OR8A1: variants seen among roughly 807,000 people sequenced by gnomAD.
OR8A1 encodes olfactory receptor family 8 subfamily A member 1, also known as olfactory receptor 8A1.
A neutral mutation model predicts 13.4 loss-of-function variants in OR8A1; 5 were observed. That is an observed-to-expected ratio of 0.37 (90% CI 0.19 to 0.78). The LOEUF is 0.78. Among genes scored for constraint, OR8A1 ranks in the 30% least tolerant of loss-of-function variants. OR8A1 has a pLI of 0.47. For missense variants in OR8A1, 354 were observed against 374.8 expected (o/e 0.94, Z 0.46); for synonymous variants, 156 against 150.4 (o/e 1.04, Z -0.27).
At position 124,570,333 on chromosome 11, in the gene OR8A1, T is replaced by A; in HGVS notation, c.214T>A (p.Cys72Ser). 1 of 1,614,104 alleles carries A rather than the reference T, an allele frequency of 6.2e-7. No individual in the cohort carries two copies. Among genetic ancestry groups the A allele is most frequent in the Non-Finnish European group, 8.5e-7 (1 of 1,180,004 alleles). ...CAGCAATCTGTCACTCATGGATCTC[T>A]GCTACTCCTCCGTCATTACCCCTAA... ...FLSNLSLMDLCYSSVITPKML... is the reference protein window; with the variant it reads ...FLSNLSLMDLSYSSVITPKML... Residue 72 changes from cysteine (C) to serine (S), a missense_variant, in exon 1 of 1, where the codon TGC becomes AGC. By Grantham distance (112) the Cys-to-Ser change is moderately radical. Coordinates refer to ENST00000284287, the MANE Select transcript of OR8A1 (RefSeq NM_001005194.2).
rs908413338 is a variant in OR8A1 at position 124,570,885 on chromosome 11, T to C, written c.766T>C (p.Phe256Leu). The C allele has an allele frequency of 6.2e-7, 1 of 1,614,130 alleles. No homozygotes were observed. The highest frequency in any genetic ancestry group is 1.7e-5 in the Admixed American group (1 of 60,000). ...AVGMFYGSTA[F>L]MYLKPSTISS... ...GGGAATGTTCTATGGATCAACTGCA[T>C]TCATGTACTTAAAACCCTCCACAAT... Residue 256 changes from phenylalanine to leucine, a missense_variant, in exon 1 of 1, where the codon TTC becomes CTC. Coordinates refer to ENST00000284287, the MANE Select transcript of OR8A1 (RefSeq NM_001005194.2).
Position 124,570,146 on chromosome 11 carries a change from G to A in OR8A1, c.27G>A (p.Val9=), listed in dbSNP as rs764311104. ...TGGCTGCAGGAAATCACTCTACAGT[G>A]ACAGAGTTCATTCTCAAGGGTTTAA... MAAGNHST[V]TEFILKGLTK... is the part of the protein sequence containing the mutation. Residue 9 remains valine (V), a synonymous_variant, in exon 1 of 1, where the codon GTG becomes GTA. Coordinates refer to ENST00000284287, the MANE Select transcript of OR8A1 (RefSeq NM_001005194.2). 2 of 1,613,970 alleles carry A rather than the reference G, an allele frequency of 1.2e-6. No individual in the cohort carries two copies. Among genetic ancestry groups the A allele is most frequent in the South Asian group, 2.2e-5 (2 of 91,060 alleles).
Position 124,570,259 on chromosome 11 carries a change from C to G in OR8A1, c.140C>G (p.Thr47Ser), listed in dbSNP as rs201522070. 2 of 1,614,062 alleles carry G rather than the reference C, an allele frequency of 1.2e-6. No individual in the cohort carries two copies. Among genetic ancestry groups the G allele is most frequent in the Non-Finnish European group, 8.5e-7 (1 of 1,180,002 alleles). Reference protein sequence around the residue: ...VTIVGNLGMITLICLNSQLHT... With the variant: ...VTIVGNLGMISLICLNSQLHT... ...ATCGTGGGGAACCTGGGCATGATCA[C>G]TCTAATTTGTCTGAACTCTCAGCTG... Residue 47 changes from threonine (T) to serine (S), a missense_variant, in exon 1 of 1, where the codon ACT becomes AGT. Coordinates refer to ENST00000284287, the MANE Select transcript of OR8A1 (RefSeq NM_001005194.2).
rs546328288 is a variant in OR8A1, at chr11:124,570,685, C to G, written c.566C>G (p.Ser189Cys). 25 of 1,614,120 alleles carry G rather than the reference C, an allele frequency of 1.5e-5. No individual in the cohort carries two copies. The highest frequency in any genetic ancestry group is 2.0e-5 in the Non-Finnish European group (24 of 1,180,020). ...DILPLMKLSCSSTYDVEMTVF... is the reference protein window; with the variant it reads ...DILPLMKLSCCSTYDVEMTVF... Reference sequence around the variant, plus strand: ...CTCCCTCTCATGAAGCTGTCCTGCTCTAGCACCTATGATGTTGAGATGACA... The same window carrying G: ...CTCCCTCTCATGAAGCTGTCCTGCTGTAGCACCTATGATGTTGAGATGACA... Residue 189 changes from serine to cysteine, a missense_variant, in exon 1 of 1, where the codon TCT becomes TGT. Coordinates refer to ENST00000284287, the MANE Select transcript of OR8A1 (RefSeq NM_001005194.2).
chr11:124,571,002 GA>G lies in OR8A1; in HGVS notation c.885del (p.Val296Ter), dbSNP rs1862678612. ...NPLIYSLRNKEVKAAVQKTLR... is the reference protein window; with the variant it reads ...NPLIYSLRNKXVKAAVQKTLR... ...CCTAATCTACAGCCTGAGGAACAAG[GA>G]AGTAAAGGCTGCCGTGCAGAAAACG... On this transcript the variant is annotated frameshift_variant, in exon 1 of 1. Coordinates refer to ENST00000284287, the MANE Select transcript of OR8A1 (RefSeq NM_001005194.2). LOFTEE classifies it high-confidence loss of function. 17 of 1,613,754 alleles carry G rather than the reference GA, an allele frequency of 1.1e-5. No homozygotes were observed. The highest frequency in any genetic ancestry group is 1.2e-5 in the Non-Finnish European group (14 of 1,179,908).
Position 124,569,997 on chromosome 11 carries a change from C to CCGT in OR8A1, c.-123_-122insCGT. The CCGT allele has an allele frequency of 6.8e-7, 1 of 1,463,920 alleles. No homozygotes were observed. The highest frequency in any genetic ancestry group is 2.1e-5 in the Admixed American group (1 of 46,922). 90.7% of individuals were successfully genotyped at this position (1,463,920 alleles called of 1,614,324 possible). A position where few individuals can be genotyped will look rare whatever the true frequency, so the allele number is the denominator to read the frequency against. ...CGAGGGGAGGAGGGCGGGGAGGATG[C>CCGT]ATCAGCAGAGAGCCCAGGATGTTTC... On this transcript the variant is annotated 5_prime_UTR_variant, in exon 1 of 1. Transcript: ENST00000284287.
In OR8A1 at chr11:124,570,108, A is replaced by G; in HGVS notation, c.-12A>G. ...TCCCATGCATCCCTGCAGGCCTCCCACCCAGAGGAGAATGGCTGCAGGAAA... is the reference window on the plus strand; with the variant it reads ...TCCCATGCATCCCTGCAGGCCTCCCGCCCAGAGGAGAATGGCTGCAGGAAA... On this transcript the variant is annotated 5_prime_UTR_variant, in exon 1 of 1. Transcript: ENST00000284287. The G allele has an allele frequency of 6.2e-7, 1 of 1,613,914 alleles. No individual in the cohort carries two copies. Among genetic ancestry groups the G allele is most frequent in the South Asian group, 1.1e-5 (1 of 91,042 alleles).
rs1591359177 is a variant in OR8A1 at position 124,570,281 on chromosome 11, G to A, written c.162G>A (p.Gln54=). ...TCACTCTAATTTGTCTGAACTCTCA[G>A]CTGCACACCCCCATGTACTACTTTC... ...GMITLICLNS[Q]LHTPMYYFLS... The change falls in exon 1 of 1, where the codon CAG becomes CAA. Residue 54 remains glutamine (Q), a synonymous_variant. Transcript: ENST00000284287. 6.2e-7 allele frequency: 1 copy of A among 1,613,930 alleles called. No individual in the cohort carries two copies. The highest frequency in any genetic ancestry group is 8.5e-7 in the Non-Finnish European group (1 of 1,180,022).
chr11:124,570,509 GC>G lies in OR8A1; in HGVS notation c.391del (p.Leu131PhefsTer28). The G allele has an allele frequency of 6.2e-7, 1 of 1,614,042 alleles. No individual in the cohort carries two copies. The highest frequency in any genetic ancestry group is 8.5e-7 in the Non-Finnish European group (1 of 1,180,002). On this transcript the variant is annotated frameshift_variant, in exon 1 of 1. Transcript: ENST00000284287. LOFTEE classifies it high-confidence loss of function. ...DRYVAICHPL[L>X]YNIIMSHHTC... ...GCTATGTTGCCATCTGCCACCCTTT[GC>G]TTTACAACATCATTATGTCTCATCA...
In OR8A1 at chr11:124,570,232, C is replaced by G. The variant is rs541028363; in HGVS notation, c.113C>G (p.Thr38Ser). The part of the protein sequence containing the change: ...FLLFLGIYLV[T>S]IVGNLGMITL... Reference sequence around the variant, plus strand: ...CTCTTCCTCGGGATCTACTTGGTCACCATCGTGGGGAACCTGGGCATGATC... The same window carrying G: ...CTCTTCCTCGGGATCTACTTGGTCAGCATCGTGGGGAACCTGGGCATGATC... Residue 38 changes from threonine to serine, a missense_variant, in exon 1 of 1, where the codon ACC (threonine) becomes AGC (serine). Coordinates refer to ENST00000284287, the MANE Select transcript of OR8A1 (RefSeq NM_001005194.2). The G allele has an allele frequency of 1.2e-5, 20 of 1,614,022 alleles. No homozygotes were observed. The South Asian group carries it at 2.1e-4, about 17-fold the overall frequency.
Position 124,570,171 on chromosome 11 carries a change from A to G in OR8A1, c.52A>G (p.Thr18Ala), listed in dbSNP as rs1161245473. 68 of 1,613,844 alleles carry G rather than the reference A, an allele frequency of 4.2e-5. No homozygotes were observed. The highest frequency in any genetic ancestry group is 5.6e-5 in the Non-Finnish European group (66 of 1,179,974). The change falls in exon 1 of 1, where the codon ACG becomes GCG. Residue 18 changes from threonine (T) to alanine (A), a missense_variant. Transcript: ENST00000284287. ...TVTEFILKGL[T>A]KRADLQLPLF... is the part of the protein sequence containing the mutation. ...GACAGAGTTCATTCTCAAGGGTTTA[A>G]CGAAGAGAGCAGACCTCCAGCTCCC...
Position 124,570,692 on chromosome 11 carries a change from C to G in OR8A1, c.573C>G (p.Thr191=). ...TCATGAAGCTGTCCTGCTCTAGCAC[C>G]TATGATGTTGAGATGACAGTCTTCT... ...LPLMKLSCSS[T]YDVEMTVFFS... is the part of the protein sequence containing the mutation. Residue 191 remains threonine (T), a synonymous_variant, in exon 1 of 1, where the codon ACC becomes ACG. Coordinates refer to ENST00000284287, the MANE Select transcript of OR8A1 (RefSeq NM_001005194.2). The G allele has an allele frequency of 6.2e-7, 1 of 1,614,120 alleles. No individual in the cohort carries two copies. The highest frequency in any genetic ancestry group is 8.5e-7 in the Non-Finnish European group (1 of 1,180,016).
chr11:124,570,814 G>A lies in OR8A1; in HGVS notation c.695G>A (p.Gly232Glu), dbSNP rs1477637175. Reference sequence around the variant, plus strand: ...ATCCTCGGCATCAGCACCACAGAGGGGAGATCCAAAGCCTTCAGCACCTGC... The same window carrying A: ...ATCCTCGGCATCAGCACCACAGAGGAGAGATCCAAAGCCTTCAGCACCTGC... Reference protein sequence around the residue: ...SSILGISTTEGRSKAFSTCSS... With the variant: ...SSILGISTTEERSKAFSTCSS... The change falls in exon 1 of 1, where the codon GGG becomes GAG. Residue 232 changes from glycine to glutamate, a missense_variant. Coordinates refer to ENST00000284287, the MANE Select transcript of OR8A1 (RefSeq NM_001005194.2). 1.2e-6 allele frequency: 2 copies of A among 1,613,942 alleles called. No individual in the cohort carries two copies. The highest frequency in any genetic ancestry group is 3.3e-5 in the Admixed American group (2 of 59,980).
At position 124,570,409 on chromosome 11, in the gene OR8A1, G is replaced by T. The variant is rs778740749; in HGVS notation, c.290G>T (p.Cys97Phe). Residue 97 changes from cysteine to phenylalanine, a missense_variant, in exon 1 of 1, where the codon TGC (cysteine) becomes TTC (phenylalanine). By Grantham distance (205) the Cys-to-Phe change is radical (BLOSUM62 -2). Coordinates refer to ENST00000284287, the MANE Select transcript of OR8A1 (RefSeq NM_001005194.2). ...AAAAACATCATCTCCTACGCAGGGT[G>T]CATGTCACAGCTCTACTTCTTCCTT... is the stretch of plus-strand genomic sequence containing the variant. ...SEKNIISYAG[C>F]MSQLYFFLVF... The T allele has an allele frequency of 5.0e-6, 8 of 1,614,002 alleles. No individual in the cohort carries two copies. The African/African-American group carries it at 6.7e-5, about 13-fold the overall frequency.
rs933231362 is a variant in OR8A1 at position 124,570,010 on chromosome 11, C to T, written c.-110C>T. 3.9e-6 allele frequency: 6 copies of T among 1,537,358 alleles called. No homozygotes were observed. The African/African-American group carries it at 5.5e-5, about 14-fold the overall frequency. On this transcript the variant is annotated 5_prime_UTR_variant, in exon 1 of 1. Transcript: ENST00000284287. ...GCGGGGAGGATGCATCAGCAGAGAG[C>T]CCAGGATGTTTCACTAGCACCAAAG...
Position 124,570,313 on chromosome 11 carries a change from A to T in OR8A1, c.194A>T (p.Asn65Ile). The T allele has an allele frequency of 6.2e-7, 1 of 1,613,978 alleles. No homozygotes were observed. The highest frequency in any genetic ancestry group is 1.7e-5 in the Admixed American group (1 of 60,000). Residue 65 changes from asparagine (N) to isoleucine (I), a missense_variant, in exon 1 of 1, where the codon AAT (asparagine) becomes ATT (isoleucine). Asn to Ile is a moderately radical substitution (Grantham distance 149). Transcript: ENST00000284287. Reference protein sequence around the residue: ...LHTPMYYFLSNLSLMDLCYSS... With the variant: ...LHTPMYYFLSILSLMDLCYSS... ...ACCCCCATGTACTACTTTCTCAGCA[A>T]TCTGTCACTCATGGATCTCTGCTAC...
rs749600725 is a variant in OR8A1 at position 124,570,962 on chromosome 11, C to T, written c.843C>T (p.Ile281=). 7 of 1,614,024 alleles carry T rather than the reference C, an allele frequency of 4.3e-6. No homozygotes were observed. The highest frequency in any genetic ancestry group is 5.1e-6 in the Non-Finnish European group (6 of 1,179,942). The change falls in exon 1 of 1, where the codon ATC becomes ATT. Residue 281 remains isoleucine, a synonymous_variant. Transcript: ENST00000284287. ...CCTCTGTGTTCTACACCACGGTAAT[C>T]CCCATGTTGAATCCCCTAATCTACA... is the stretch of plus-strand genomic sequence containing the variant. The part of the protein sequence containing the change: ...NVASVFYTTV[I]PMLNPLIYSL...
At position 124,571,356 on chromosome 11, in the gene OR8A1, T is replaced by TTTAATAAA. The variant is rs1316765653; in HGVS notation, c.*309_*310insAATAAATT. 14 of 308,086 alleles carry TTTAATAAA rather than the reference T, an allele frequency of 4.5e-5. No individual in the cohort carries two copies. In the Middle Eastern group the frequency reaches 2.2e-3, roughly 49 times the overall value. The allele number at this position is 308,086 out of a possible 1,614,324, so 19.1% of individuals were successfully genotyped here. A position where few individuals can be genotyped will look rare whatever the true frequency, so the allele number is the denominator to read the frequency against. On this transcript the variant is annotated 3_prime_UTR_variant, in exon 1 of 1. Transcript: ENST00000284287. ...TCTACCCCAAGCCCTTTAATAAATG[T>TTTAATAAA]TTCCTATCTTAATTGTAATTTAACT...
Position 124,570,738 on chromosome 11 carries a change from A to G in OR8A1, c.619A>G (p.Ile207Val). The G allele has an allele frequency of 6.2e-7, 1 of 1,614,094 alleles. No homozygotes were observed. Among genetic ancestry groups the G allele is most frequent in the Non-Finnish European group, 8.5e-7 (1 of 1,179,986 alleles). Residue 207 changes from isoleucine to valine, a missense_variant, in exon 1 of 1, where the codon ATA becomes GTA. Coordinates refer to ENST00000284287, the MANE Select transcript of OR8A1 (RefSeq NM_001005194.2). ...TVFFSAGFNI[I>V]VTSLTVLVSY... ...CTTCTTTTCGGCTGGATTCAACATC[A>G]TAGTCACGAGCTTAACAGTTCTTGT...
Sources: allele counts gnomAD v4.1 joint callset, GRCh38; gene constraint gnomAD v4.1.1; transcripts MANE v1.5; gene names NCBI Gene and HGNC (gene_info 2026-07-23, HGNC 2026-07-21).